FREM1: variants seen among roughly 807,000 people sequenced by gnomAD.
The protein encoded by FREM1 is FRAS1 related extracellular matrix 1.
In FREM1, 220 loss-of-function variants were observed where a neutral mutation model predicts 210.1. The observed-to-expected ratio is 1.05, with a 90% CI of 0.94 to 1.17. The LOEUF (loss-of-function observed/expected upper bound fraction) is 1.17, where lower values mean the gene tolerates loss of function less well. FREM1 is among the 50% of genes most tolerant of loss of function. FREM1 has a pLI of 0.00. For synonymous variants in FREM1, 1,189 were observed against 980.2 expected, an observed-to-expected ratio of 1.21 and a Z score of -3.98; for missense variants, 3,454 against 2,675.5, an observed-to-expected ratio of 1.29 and a Z score of -6.42.
chr9:14,841,174 G>A (rs1005411514), intron 10 of FREM1, among the ~76,000 whole-genome samples: 1 of 152,090 alleles, frequency 6.6e-6, no homozygotes, highest in African/African-American at 2.4e-5. Flanking sequence ...CTTGAGTGTC[G>A]GGAGACAAGC....
chr9:14,746,895 G>C (rs1842547930), intron 34 of FREM1, 28 bp downstream of exon 34: 2 of 1,608,490 alleles, frequency 1.2e-6, no homozygotes, highest in Non-Finnish European at 1.7e-6. Flanking sequence ...GCGAATAAAG[G>C]TGCTTGGCTG....
chr9:14,814,713 G>A (rs560453402), intron 15 of FREM1, among the ~76,000 whole-genome samples: 10 of 152,176 alleles, frequency 6.6e-5, no homozygotes, highest in East Asian at 5.8e-4. Flanking sequence ...TCTTGCAGCC[G>A]TTCACAAAAG....
intron 1 of FREM1, among the ~76,000 whole-genome samples, chr9:14,892,693 G>C (rs749429169): frequency 4.6e-5 from 7 of 152,224 alleles, no homozygotes; most frequent in Middle Eastern, 6.8e-3. Context: ...GGGGAAACTT[G>C]AGAGCTGATG....
chr9:14,770,519 G>T, intron 26 of FREM1, 86 bp downstream of exon 26: 3 of 953,294 alleles, frequency 3.1e-6, no homozygotes, highest in East Asian at 2.4e-5. Context: ...TACCAAATGG[G>T]CCTGCACTTA....
At chr9:14,860,749 GCA>G (rs1426856783) in intron 3 of FREM1, among the ~76,000 whole-genome samples, 2 of 81,052 alleles carry the variant, frequency 2.5e-5, no homozygotes, top group Non-Finnish European at 4.8e-5. Context: ...ACATATATAT[GCA>G]CATATATATG....
intron 1 of FREM1, among the ~76,000 whole-genome samples, chr9:14,907,095 C>T (rs989797059): frequency 1.3e-5 from 2 of 152,166 alleles, no homozygotes; most frequent in African/African-American, 2.4e-5. Context: ...TAAAAACTTA[C>T]CCATGAGAGG....
chr9:14,740,420 C>T (rs983106249), intron 35 of FREM1, among the ~76,000 whole-genome samples, 186 bp from the exon 36 acceptor site: 2 of 152,080 alleles, frequency 1.3e-5, no homozygotes, highest in Non-Finnish European at 2.9e-5. Context: ...TAGGTGACAT[C>T]AAAGAAAGTG....
intron 22 of FREM1, chr9:14,790,697 C>T (rs1241968824): frequency 1.3e-5 from 2 of 152,138 alleles, no homozygotes; most frequent in Admixed American, 6.5e-5. Flanking sequence ...AATAAGAAAA[C>T]GATAACTCTT....
At chr9:14,839,615 G>C (rs927247300) in intron 10 of FREM1, among the ~76,000 whole-genome samples, 3 of 152,170 alleles carry the variant, frequency 2.0e-5, no homozygotes, top group African/African-American at 7.2e-5. Context: ...AGTTTAGTTT[G>C]ACCAATTTGC....
At chr9:14,833,752 T>C (rs769749978) in intron 10 of FREM1, among the ~76,000 whole-genome samples, 1 of 152,210 alleles carries the variant, frequency 6.6e-6, no homozygotes, top group South Asian at 2.1e-4. Context: ...AAGGCCTTTA[T>C]GTTTTTCTTT....
intron 4 of FREM1, 132 bp from the exon 5 acceptor site, chr9:14,857,881 T>C: frequency 1.9e-6 from 1 of 535,696 alleles, no homozygotes; most frequent in Non-Finnish European, 3.1e-6. Context: ...CTTCCAATCA[T>C]TCACTGAGTG....
At chr9:14,806,253 CTT>C (rs35603165) in intron 18 of FREM1, among the ~76,000 whole-genome samples, 6 of 129,734 alleles carry the variant, frequency 4.6e-5, no homozygotes, top group Non-Finnish European at 9.4e-5. Context: ...GTGCTTTAAA[CTT>C]TTTTTTTTTT....
chr9:14,861,098 A>C (rs200860608), intron 3 of FREM1, among the ~76,000 whole-genome samples: 1,365 of 63,448 alleles, frequency 0.022, 78 homozygotes, highest in African/African-American at 0.11. Context: ...CATATATATA[A>C]ACATATATAC....
chr9:14,848,930 T>A (rs1021325807), intron 6 of FREM1, among the ~76,000 whole-genome samples, 157 bp from the exon 7 acceptor site: 1 of 152,218 alleles, frequency 6.6e-6, no homozygotes, highest in Non-Finnish European at 1.5e-5. Flanking sequence ...TGATTTGACT[T>A]TTTCAGGTTC....
intron 36 of FREM1, 113 bp from the exon 37 acceptor site, chr9:14,737,708 T>C (rs1225434774): frequency 2.4e-6 from 2 of 820,912 alleles, no homozygotes; most frequent in African/African-American, 1.8e-5. Flanking sequence ...GCCCAGGTTC[T>C]AAAACAAGGG....
At chr9:14,775,552 A>C (rs1848400928) in intron 25 of FREM1, among the ~76,000 whole-genome samples, 1 of 151,784 alleles carries the variant, frequency 6.6e-6, no homozygotes, top group Non-Finnish European at 1.5e-5. Flanking sequence ...CTAAAAATGC[A>C]AAAAAGTTAG....
rs377371804 is a variant in FREM1 at position 14,774,412 on chromosome 9, A to C, written c.4857+1377T>G. ...CTTTGGGCTAAAGATTGCAACGTTA[A>C]CTCCTGCTGAAATTTGTAGCCTGCC... is the stretch of plus-strand genomic sequence containing the variant. On this transcript the variant is annotated intron_variant, in intron 25 of 36. Transcript: ENST00000380880. Among the ~76,000 whole-genome samples the C allele has an allele frequency of 2.6e-5, 4 of 151,570 alleles. No homozygotes were observed. In the East Asian group the frequency reaches 5.8e-4, roughly 22 times the overall value.
At chr9:14,868,678 C>A in intron 2 of FREM1, 66 bp downstream of exon 2, 1 of 996,702 alleles carries the variant, frequency 1.0e-6, no homozygotes, top group South Asian at 1.4e-5. Flanking sequence ...TCTCTGTCCC[C>A]CCACACATTT....
At chr9:14,861,489 C>A (rs1266586593) in intron 3 of FREM1, among the ~76,000 whole-genome samples, 1 of 149,080 alleles carries the variant, frequency 6.7e-6, no homozygotes, top group East Asian at 2.0e-4. Flanking sequence ...TGAGCATTCC[C>A]TCAAGCATTT....
Sources: allele counts gnomAD v4.1 joint callset (sites outside exome capture counted in the v4.1 genomes callset), GRCh38; gene constraint gnomAD v4.1.1; transcripts MANE v1.5; gene names NCBI Gene and HGNC (gene_info 2026-07-23, HGNC 2026-07-21).